EPHB1: variants seen among roughly 807,000 people sequenced by gnomAD.
EPHB1 encodes the protein EPH receptor B1.
EPHB1 carries 30 observed loss-of-function variants against 94.4 expected under a neutral mutation model. The observed-to-expected ratio is 0.32, with a 90% confidence interval of 0.24 to 0.43. The LOEUF is 0.43. Among genes scored for constraint, EPHB1 ranks in the 20% least tolerant of loss-of-function variants. The pLI is 1.00. For missense variants in EPHB1, 1,055 were observed against 1,308.3 expected (o/e 0.81, Z 2.99); for synonymous variants, 522 against 489.1 (o/e 1.07, Z -0.89).
At chr3:135,220,648 A>C (rs1943255338) in intron 12 of EPHB1, among the ~76,000 whole-genome samples, 1 of 149,956 alleles carries the variant, frequency 6.7e-6, no homozygotes, top group Admixed American at 6.7e-5. Flanking sequence ...TGACCTGTCA[A>C]GTCTTCCTTT....
At position 134,952,367 on chromosome 3, in the gene EPHB1, T is replaced by TCACA. The variant is rs1559769329; in HGVS notation, c.805+316_805+317insACAC. Among the ~76,000 whole-genome samples the TCACA allele has an allele frequency of 7.5e-3, 866 of 115,648 alleles. 3 individuals are homozygous for TCACA. The highest frequency in any genetic ancestry group is 0.035 in the African/African-American group (815 of 23,612). The allele number at this position is 115,648 out of a possible 152,430, so 75.9% of individuals were successfully genotyped here. On this transcript the variant is annotated intron_variant, in intron 3 of 15. Coordinates refer to ENST00000398015, the MANE Select transcript of EPHB1 (RefSeq NM_004441.5). Reference sequence around the variant, plus strand: ...TCTCTCTCTCTTCTCTCTCTCTCTCTCTCTCACACACACACACACACACTC... The same window carrying TCACA: ...TCTCTCTCTCTTCTCTCTCTCTCTCTCACACTCTCACACACACACACACACACTC...
intron 11 of EPHB1, among the ~76,000 whole-genome samples, chr3:135,199,140 C>T (rs1942695467): frequency 6.6e-6 from 1 of 152,220 alleles, no homozygotes. Context: ...AGTGCTCTCC[C>T]CAAATGCCAT....
At chr3:135,002,059 G>C (rs1273781906) in intron 3 of EPHB1, among the ~76,000 whole-genome samples, 2 of 152,026 alleles carry the variant, frequency 1.3e-5, no homozygotes. Flanking sequence ...AACAAAATGT[G>C]GTATATATAT....
At chr3:134,837,532 G>A (rs545612501) in intron 1 of EPHB1, among the ~76,000 whole-genome samples, 13 of 152,308 alleles carry the variant, frequency 8.5e-5, no homozygotes, top group African/African-American at 2.9e-4. Flanking sequence ...GAGATGGCGG[G>A]GAGGGGGCAA....
At chr3:134,832,361 G>A (rs1332684923) in intron 1 of EPHB1, among the ~76,000 whole-genome samples, 1 of 152,182 alleles carries the variant, frequency 6.6e-6, no homozygotes, top group African/African-American at 2.4e-5. Context: ...TGGGAGCAAG[G>A]CAATGGCAAA....
At chr3:135,138,757 T>G (rs1940710914) in intron 5 of EPHB1, among the ~76,000 whole-genome samples, 1 of 152,384 alleles carries the variant, frequency 6.6e-6, no homozygotes. Flanking sequence ...AAATTTTCAC[T>G]GTTCTTAATT....
At chr3:135,077,795 G>A (rs897542771) in intron 3 of EPHB1, among the ~76,000 whole-genome samples, 2 of 152,188 alleles carry the variant, frequency 1.3e-5, no homozygotes, top group African/African-American at 4.8e-5. Flanking sequence ...AGCTGCAGAG[G>A]CATTTGTGGT....
At chr3:135,253,955 A>G (rs1438380924) in intron 15 of EPHB1, among the ~76,000 whole-genome samples, 1 of 143,584 alleles carries the variant, frequency 7.0e-6, no homozygotes, top group Non-Finnish European at 1.5e-5. Flanking sequence ...ATTCCTAGGT[A>G]TTTTATTCTC....
Position 135,205,206 on chromosome 3 carries a change from C to T in EPHB1, c.2346+3517C>T, listed in dbSNP as rs115327935. Among the ~76,000 whole-genome samples, 4 of 152,174 alleles carry T rather than the reference C, an allele frequency of 2.6e-5. No homozygotes were observed. In the South Asian group the frequency reaches 8.3e-4, roughly 32 times the overall value. ...TTTAATTTACATTTTCAACTGACTG[C>T]TAGTGACATTGATATCTTTTCACAT... On this transcript the variant is annotated intron_variant, in intron 12 of 15. Transcript: ENST00000398015.
Position 134,854,364 on chromosome 3 carries a change from C to T in EPHB1, c.58+58675C>T, listed in dbSNP as rs149285501. Among the ~76,000 whole-genome samples the T allele has an allele frequency of 6.4e-3, 971 of 152,230 alleles. 16 individuals carry two copies. Among genetic ancestry groups the T allele is most frequent in the African/African-American group, 0.022 (907 of 41,534 alleles). ...GATGATCTGTGTCCTGGTCTTAATCCTCTAAACTCTCCCTCTGGATTAAGT... is the reference window on the plus strand; with the variant it reads ...GATGATCTGTGTCCTGGTCTTAATCTTCTAAACTCTCCCTCTGGATTAAGT... On this transcript the variant is annotated intron_variant, in intron 1 of 15. Coordinates refer to ENST00000398015, the MANE Select transcript of EPHB1 (RefSeq NM_004441.5).
rs1358110249 is a variant in EPHB1, at chr3:135,102,515, CAAGAT to C, written c.806-3929_806-3925del. Among the ~76,000 whole-genome samples the C allele has an allele frequency of 1.9e-4, 29 of 152,266 alleles. No homozygotes were observed. In the East Asian group the frequency reaches 5.6e-3, roughly 29 times the overall value. ...TGTTTCTGATTAATGGCACCTGATA[CAAGAT>C]AAGTTAAAAGGGCTTTGTGGATTAG... On this transcript the variant is annotated intron_variant, in intron 3 of 15. Transcript: ENST00000398015.
chr3:134,818,197 A>T (rs1184466931), intron 1 of EPHB1, among the ~76,000 whole-genome samples: 1 of 152,110 alleles, frequency 6.6e-6, no homozygotes, highest in East Asian at 1.9e-4. Flanking sequence ...TCTCTACCCT[A>T]CTTTCATTTA....
At chr3:135,005,847 C>T (rs566872951) in intron 3 of EPHB1, among the ~76,000 whole-genome samples, 204 of 152,322 alleles carry the variant, frequency 1.3e-3, no homozygotes, top group African/African-American at 4.6e-3. Context: ...CACTGACCTG[C>T]GCCCACTGTC....
At chr3:134,989,775 G>A (rs531788322) in intron 3 of EPHB1, among the ~76,000 whole-genome samples, 15 of 152,212 alleles carry the variant, frequency 9.9e-5, no homozygotes, top group African/African-American at 3.4e-4. Flanking sequence ...TTCACCACAA[G>A]ATATACTCTT....
At chr3:135,191,022 G>A (rs1021754) in intron 10 of EPHB1, among the ~76,000 whole-genome samples, 58,139 of 151,498 alleles carry the variant, frequency 0.38, 11,312 homozygotes, top group Middle Eastern at 0.49. Context: ...CAAGATGATC[G>A]CTTAGCCCAG....
chr3:134,823,532 C>T (rs189270225), intron 1 of EPHB1, among the ~76,000 whole-genome samples: 3 of 152,164 alleles, frequency 2.0e-5, no homozygotes, highest in East Asian at 1.9e-4. Flanking sequence ...TCTCATGTAC[C>T]GCTTGCAACA....
chr3:135,068,267 GTGGCTA>G (rs1448622168), intron 3 of EPHB1, among the ~76,000 whole-genome samples: 1 of 152,154 alleles, frequency 6.6e-6, no homozygotes, highest in Non-Finnish European at 1.5e-5. Flanking sequence ...GTTTTTCAAA[GTGGCTA>G]TACCATTTTA....
At position 135,133,100 on chromosome 3, in the gene EPHB1, G is replaced by T. The variant is rs1576414851; in HGVS notation, c.1297+51G>T. The T allele has an allele frequency of 4.0e-6, 6 of 1,516,278 alleles. No homozygotes were observed. In the African/African-American group the frequency reaches 5.5e-5, roughly 14 times the overall value. The allele number at this position is 1,516,278 out of a possible 1,614,324, so 93.9% of individuals were successfully genotyped here. A position where few individuals can be genotyped will look rare whatever the true frequency, so the allele number is the denominator to read the frequency against. On this transcript the variant is annotated intron_variant, in intron 5 of 15. Transcript: ENST00000398015. ...TGTTTGGATGTGTGGCTGGCTCTTT[G>T]TCTCTAGGCAGGGACACAGCTGCAG...
At chr3:135,240,595 A>G (rs1031319706) in intron 12 of EPHB1, among the ~76,000 whole-genome samples, 2 of 152,208 alleles carry the variant, frequency 1.3e-5, no homozygotes, top group South Asian at 2.1e-4. Context: ...GGCTATCTGC[A>G]TGCTACAGAG....
Sources: gnomAD v4.1 joint callset for allele counts (sites outside exome capture counted in the v4.1 genomes callset) on GRCh38, gnomAD v4.1.1 for gene constraint, MANE v1.5 for transcripts, NCBI Gene and HGNC (gene_info 2026-07-23, HGNC 2026-07-21) for gene names.